The following SCN9A variants were observed in gnomAD, a reference collection of about 807,000 sequenced individuals.
SCN9A encodes sodium channel protein type 9 subunit alpha.
A neutral mutation model predicts 187.0 loss-of-function variants in SCN9A; 131 were observed. The observed-to-expected ratio is 0.70, with a 90% CI of 0.61 to 0.81. SCN9A has a LOEUF of 0.81. SCN9A is among the 30% of genes least tolerant of loss of function. The pLI is 0.00. For synonymous variants in SCN9A, 809 were observed against 808.6 expected (o/e 1.00, Z -0.01); for missense variants, 2,252 against 2,396.6 (o/e 0.94, Z 1.26).
chr2:166,217,412 T>C (rs1259129000), intron 24 of SCN9A, among the ~76,000 whole-genome samples: 1 of 150,854 alleles, frequency 6.6e-6, no homozygotes, highest in Non-Finnish European at 1.5e-5. Flanking sequence ...AATAACAGAG[T>C]GGAGAGAGAG....
chr2:166,358,457 T>A (rs1700204478), intron 1 of SCN9A, among the ~76,000 whole-genome samples: 2 of 152,156 alleles, frequency 1.3e-5, no homozygotes, highest in South Asian at 4.1e-4. Context: ...ATGCCATTTG[T>A]GCTTTTTTTT....
intron 24 of SCN9A, among the ~76,000 whole-genome samples, chr2:166,212,401 TA>T (rs1694137598): frequency 6.6e-6 from 1 of 152,118 alleles, no homozygotes; most frequent in Non-Finnish European, 1.5e-5. Context: ...AAGTAGGTCA[TA>T]AAATAAGATA....
chr2:166,295,448 C>A (rs1448705182), intron 7 of SCN9A, among the ~76,000 whole-genome samples: 1 of 152,128 alleles, frequency 6.6e-6, no homozygotes, highest in Non-Finnish European at 1.5e-5. Context: ...GGCTACCATA[C>A]ACCTAGGCTA....
In SCN9A at chr2:166,206,483, G is replaced by A. The variant is rs550007643; in HGVS notation, c.4399-2019C>T. On this transcript the variant is annotated intron_variant, in intron 24 of 26. Coordinates refer to ENST00000642356, the MANE Select transcript of SCN9A (RefSeq NM_001365536.1). ...GAACAATGAGAACACATGGACACAGGGAGGGGAACATCACACACCAGGGGC... is the reference window on the plus strand; with the variant it reads ...GAACAATGAGAACACATGGACACAGAGAGGGGAACATCACACACCAGGGGC... 3.3e-5 allele frequency among the ~76,000 whole-genome samples: 5 copies of A among 152,238 alleles called. No homozygotes were observed. In the South Asian group the frequency reaches 8.3e-4, roughly 25 times the overall value.
chr2:166,329,458 A>T (rs181414054), intron 1 of SCN9A, among the ~76,000 whole-genome samples: 247 of 152,214 alleles, frequency 1.6e-3, no homozygotes, highest in African/African-American at 5.0e-3. Flanking sequence ...GGTATACAAC[A>T]TGATGCTATT....
chr2:166,218,661 A>G (rs971928195), intron 24 of SCN9A, among the ~76,000 whole-genome samples: 2 of 152,182 alleles, frequency 1.3e-5, no homozygotes, highest in African/African-American at 4.8e-5. Context: ...AGGCATGGGC[A>G]AAGATTTCAT....
intron 1 of SCN9A, among the ~76,000 whole-genome samples, chr2:166,373,312 C>CTTT (rs75006765): frequency 1.7e-5 from 2 of 117,734 alleles, no homozygotes; most frequent in South Asian, 3.3e-4. Context: ...TCTTCTTCCT[C>CTTT]TTTTTTTTTT....
At chr2:166,296,980 G>T (rs1698328551) in intron 7 of SCN9A, among the ~76,000 whole-genome samples, 2 of 151,786 alleles carry the variant, frequency 1.3e-5, no homozygotes, top group Admixed American at 6.6e-5. Context: ...GGCAGATCAC[G>T]AGGTCAGGAG....
rs149656478 is a variant in SCN9A at position 166,363,556 on chromosome 2, T to C, written c.-51+12141A>G. ...AAAGAAAAAACAGAACAAAACAAAA[T>C]GAAATGGGAGTTCTTGAAATGGAAG... On this transcript the variant is annotated intron_variant, in intron 1 of 26. Coordinates refer to ENST00000642356, the MANE Select transcript of SCN9A (RefSeq NM_001365536.1). Among the ~76,000 whole-genome samples, 568 of 151,906 alleles carry C rather than the reference T, an allele frequency of 3.7e-3. 6 individuals carry two copies. Among genetic ancestry groups the C allele is most frequent in the African/African-American group, 0.013 (536 of 41,462 alleles).
intron 9 of SCN9A, among the ~76,000 whole-genome samples, chr2:166,289,676 T>A (rs1574875326): frequency 6.6e-6 from 1 of 152,316 alleles, no homozygotes; most frequent in Non-Finnish European, 1.5e-5. Context: ...TAGAATGATA[T>A]GTAATCTTTT....
chr2:166,268,690 A>T (rs896473465), intron 17 of SCN9A, among the ~76,000 whole-genome samples: 3 of 152,138 alleles, frequency 2.0e-5, no homozygotes, highest in Admixed American at 2.0e-4. Flanking sequence ...TAAGGTTTTT[A>T]TAGTTGACCA....
intron 1 of SCN9A, among the ~76,000 whole-genome samples, chr2:166,365,229 A>C (rs1438327246): frequency 6.6e-6 from 1 of 152,212 alleles, no homozygotes; most frequent in East Asian, 1.9e-4. Context: ...AGGACATTTA[A>C]ATATAAATAC....
At chr2:166,239,981 T>A (rs1462705679) in intron 19 of SCN9A, among the ~76,000 whole-genome samples, 1 of 152,202 alleles carries the variant, frequency 6.6e-6, no homozygotes, top group Non-Finnish European at 1.5e-5. Flanking sequence ...GTTACTAAAT[T>A]CAGTTACCAC....
intron 26 of SCN9A, among the ~76,000 whole-genome samples, chr2:166,202,774 A>T (rs1025174175): frequency 6.6e-6 from 1 of 151,710 alleles, no homozygotes; most frequent in African/African-American, 2.4e-5. Flanking sequence ...TTTCATGTAT[A>T]AGATAATTAT....
intron 1 of SCN9A, among the ~76,000 whole-genome samples, chr2:166,336,523 C>T (rs1699632307): frequency 1.3e-5 from 2 of 152,008 alleles, no homozygotes; most frequent in Non-Finnish European, 2.9e-5. Flanking sequence ...AGGAATGCCC[C>T]CAAAATCGAT....
chr2:166,296,620 C>T (rs1200781597), intron 7 of SCN9A, among the ~76,000 whole-genome samples: 1 of 152,108 alleles, frequency 6.6e-6, no homozygotes, highest in South Asian at 2.1e-4. Flanking sequence ...CACTGAGGAG[C>T]TGAATTATAT....
At chr2:166,218,429 AAAT>A (rs1319846435) in intron 24 of SCN9A, among the ~76,000 whole-genome samples, 1 of 143,350 alleles carries the variant, frequency 7.0e-6, no homozygotes, top group African/African-American at 2.5e-5. Flanking sequence ...AATAAATAAA[AAAT>A]AAAAAAGTGA....
chr2:166,276,930 C>G, intron 16 of SCN9A, 53 bp downstream of exon 16: 2 of 1,465,972 alleles, frequency 1.4e-6, no homozygotes, highest in Non-Finnish European at 1.9e-6. Flanking sequence ...ATCACATCAT[C>G]ACAAAATAAT....
chr2:166,281,959 A>G (rs568802311), intron 12 of SCN9A, among the ~76,000 whole-genome samples, 151 bp from the exon 13 acceptor site: 1 of 152,334 alleles, frequency 6.6e-6, no homozygotes, highest in South Asian at 2.1e-4. Context: ...TACTGGCTGT[A>G]TATCATAGGA....
Sources: allele counts gnomAD v4.1 joint callset (sites outside exome capture counted in the v4.1 genomes callset), GRCh38; gene constraint gnomAD v4.1.1; transcripts MANE v1.5; gene names NCBI Gene and HGNC (gene_info 2026-07-23, HGNC 2026-07-21).